The following ATP6V0B variants were observed in gnomAD, a reference collection of about 807,000 sequenced individuals.
The protein encoded by ATP6V0B is ATPase H+ transporting V0 subunit b.
Under a neutral mutation model 26.2 loss-of-function variants are expected in ATP6V0B, and 4 were observed. The observed-to-expected ratio is 0.15, with a 90% CI of 0.08 to 0.35. The LOEUF (loss-of-function observed/expected upper bound fraction) is 0.35. ATP6V0B is among the 10% of genes least tolerant of loss of function. The pLI, the probability that ATP6V0B is intolerant of heterozygous loss-of-function variation, is 1.00. For synonymous variants in ATP6V0B, 110 were observed against 105.8 expected (o/e 1.04, Z -0.24); for missense variants, 175 against 272.5 (o/e 0.64, Z 2.52).
chr1:43,978,158 C>T lies in ATP6V0B; in HGVS notation c.*151C>T, dbSNP rs1293570378. 8.7e-7 allele frequency: 1 copy of T among 1,145,622 alleles called. No individual in the cohort carries two copies. 71.0% of individuals were successfully genotyped at this position (1,145,622 alleles called of 1,614,324 possible). A position where few individuals can be genotyped will look rare whatever the true frequency, so the allele number is the denominator to read the frequency against. ...GCTGCGTGTTGATTTGGAGGCACTG[C>T]AGTCCAGGCCGAGTCCTCAGTGCGG... On this transcript the variant is annotated 3_prime_UTR_variant, in exon 8 of 8. Coordinates refer to ENST00000472174, the MANE Select transcript of ATP6V0B (RefSeq NM_004047.5).
At chr1:43,977,440 C>A in intron 7 of ATP6V0B, 1 of 1,459,782 alleles carries the variant, frequency 6.9e-7, no homozygotes, top group Non-Finnish European at 9.0e-7. Flanking sequence ...TCCCCCCTTT[C>A]TAATGCGTTG....
rs754791183 is a variant in ATP6V0B, at chr1:43,977,180, C to T, written c.555C>T (p.Ala185=). The T allele has an allele frequency of 2.4e-5, 38 of 1,614,142 alleles. No homozygotes were observed. Among genetic ancestry groups the T allele is most frequent in the Non-Finnish European group, 2.9e-5 (34 of 1,180,058 alleles). The change falls in exon 7 of 8, where the codon GCC becomes GCT. Residue 185 remains alanine (A), a synonymous_variant. Coordinates refer to ENST00000472174, the MANE Select transcript of ATP6V0B (RefSeq NM_004047.5). ...TCATCGTGGAGATCTTTGGCAGCGCCATTGGCCTCTTTGGGGTCATCGTCG... is the reference window on the plus strand; with the variant it reads ...TCATCGTGGAGATCTTTGGCAGCGCTATTGGCCTCTTTGGGGTCATCGTCG... ...KILIVEIFGS[A]IGLFGVIVAI...
chr1:43,977,248 C>T (rs1439322662), intron 7 of ATP6V0B, 32 bp downstream of exon 7: 2 of 1,614,194 alleles, frequency 1.2e-6, no homozygotes, highest in East Asian at 2.2e-5. Context: ...CCTCTGTGTC[C>T]TTGTCCCCAA....
intron 7 of ATP6V0B, 145 bp from the exon 8 acceptor site, chr1:43,977,836 C>G: frequency 6.3e-7 from 1 of 1,588,854 alleles, no homozygotes; most frequent in South Asian, 1.1e-5. Context: ...TCTGCCTTGT[C>G]TGTCACAGTG....
In ATP6V0B at chr1:43,978,187, G is replaced by T; in HGVS notation, c.*180G>T. ...CCAGGCCGAGTCCTCAGTGCGGGGAGCAGGCTGCTGCTGCTGACTCTGTGC... is the reference window on the plus strand; with the variant it reads ...CCAGGCCGAGTCCTCAGTGCGGGGATCAGGCTGCTGCTGCTGACTCTGTGC... On this transcript the variant is annotated 3_prime_UTR_variant, in exon 8 of 8. Coordinates refer to ENST00000472174, the MANE Select transcript of ATP6V0B (RefSeq NM_004047.5). 1 of 820,976 alleles carries T rather than the reference G, an allele frequency of 1.2e-6. No individual in the cohort carries two copies. The highest frequency in any genetic ancestry group is 2.1e-5 in the Admixed American group (1 of 46,892). 50.9% of individuals were successfully genotyped at this position (820,976 alleles called of 1,614,324 possible).
chr1:43,975,714 C>T lies in ATP6V0B; in HGVS notation c.68-86C>T, dbSNP rs145733892. The T allele has an allele frequency of 5.9e-3, 8,793 of 1,498,048 alleles. 38 individuals are homozygous for T. Among genetic ancestry groups the T allele is most frequent in the Non-Finnish European group, 7.4e-3 (7,975 of 1,077,890 alleles). The allele number at this position is 1,498,048 out of a possible 1,614,324, so 92.8% of individuals were successfully genotyped here. A position where few individuals can be genotyped will look rare whatever the true frequency, so the allele number is the denominator to read the frequency against. On this transcript the variant is annotated intron_variant, in intron 1 of 7. Coordinates refer to ENST00000472174, the MANE Select transcript of ATP6V0B (RefSeq NM_004047.5). ...TGAGGACGCCCCTTCAGGGAGGTGG[C>T]CCTTCAGCTCGGCAGCTACTTTAGG...
rs2085513970 is a variant in ATP6V0B at position 43,975,860 on chromosome 1, C to T, written c.116+12C>T. 1.3e-6 allele frequency: 2 copies of T among 1,588,084 alleles called. No individual in the cohort carries two copies. Among genetic ancestry groups the T allele is most frequent in the Admixed American group, 1.8e-5 (1 of 56,354 alleles). On this transcript the variant is annotated intron_variant, in intron 2 of 7. Transcript: ENST00000472174. ...TTTGATGTGGCATGGTAAGGGAGGG[C>T]AGGGGGAGGATTCCCCTTGAAGCTT...
rs200253994 is a variant in ATP6V0B at position 43,977,011 on chromosome 1, T to A, written c.401-15T>A. 1 of 1,601,488 alleles carries A rather than the reference T, an allele frequency of 6.2e-7. No individual in the cohort carries two copies. Among genetic ancestry groups the A allele is most frequent in the African/African-American group, 1.3e-5 (1 of 74,762 alleles). On this transcript the variant is annotated splice_polypyrimidine_tract_variant and intron_variant, in intron 6 of 7. Coordinates refer to ENST00000472174, the MANE Select transcript of ATP6V0B (RefSeq NM_004047.5). ...TCCTGGCTTAGCCTCACTGCACCCCTCTCTATCCTCCCAGGCTACTCCATG... is the reference window on the plus strand; with the variant it reads ...TCCTGGCTTAGCCTCACTGCACCCCACTCTATCCTCCCAGGCTACTCCATG...
In ATP6V0B at chr1:43,978,204, ACT is replaced by A. The variant is rs1491144885; in HGVS notation, c.*200_*201del. The A allele has an allele frequency of 1.3e-4, 92 of 715,094 alleles. No individual in the cohort carries two copies. The highest frequency in any genetic ancestry group is 7.1e-5 in the Admixed American group (3 of 42,098). The allele number at this position is 715,094 out of a possible 1,614,324, so 44.3% of individuals were successfully genotyped here. On this transcript the variant is annotated 3_prime_UTR_variant, in exon 8 of 8. Transcript: ENST00000472174. The stretch of plus-strand genomic sequence containing the variant: ...TGCGGGGAGCAGGCTGCTGCTGCTG[ACT>A]CTGTGCAGCTGCGCACCTGTGTCCC...
chr1:43,977,344 C>T (rs1557647341), intron 7 of ATP6V0B, 128 bp downstream of exon 7: 2 of 1,564,412 alleles, frequency 1.3e-6, no homozygotes, highest in Non-Finnish European at 1.7e-6. Flanking sequence ...CTTCCACCTC[C>T]TCATTTCCAT....
rs2085543506 is a variant in ATP6V0B at position 43,978,060 on chromosome 1, T to C, written c.*53T>C. Reference sequence around the variant, plus strand: ...CACTTTTATTTATTGCTGGTTTTCCTGGGACAGCTGGAGCTGTGTCCCTTA... The same window carrying C: ...CACTTTTATTTATTGCTGGTTTTCCCGGGACAGCTGGAGCTGTGTCCCTTA... On this transcript the variant is annotated 3_prime_UTR_variant, in exon 8 of 8. Transcript: ENST00000472174. The C allele has an allele frequency of 1.2e-6, 2 of 1,612,944 alleles. No individual in the cohort carries two copies. Among genetic ancestry groups the C allele is most frequent in the Admixed American group, 3.3e-5 (2 of 60,024 alleles).
chr1:43,976,865 A>G lies in ATP6V0B; in HGVS notation c.400+41A>G. Reference sequence around the variant, plus strand: ...TATGAATGCAAAATGCTGGGACTTCATGCCTGCTTCCACTCTCCCCCATCC... The same window carrying G: ...TATGAATGCAAAATGCTGGGACTTCGTGCCTGCTTCCACTCTCCCCCATCC... On this transcript the variant is annotated intron_variant, in intron 6 of 7. Transcript: ENST00000472174. This position sits in a 1 kb window ranked among gnomAD's most constrained non-coding sequence, Gnocchi z 4.6. The G allele has an allele frequency of 6.2e-7, 1 of 1,611,086 alleles. No homozygotes were observed. The highest frequency in any genetic ancestry group is 8.5e-7 in the Non-Finnish European group (1 of 1,177,532).
At chr1:43,977,912 T>G (rs2085541251) in intron 7 of ATP6V0B, 69 bp from the exon 8 acceptor site, 2 of 1,614,052 alleles carry the variant, frequency 1.2e-6, no homozygotes, top group Non-Finnish European at 1.7e-6. Flanking sequence ...AGATGTCATC[T>G]TCTATCATTT....
rs2085525150 is a variant in ATP6V0B, at chr1:43,976,803, G to A, written c.379G>A (p.Gly127Ser). ...CAGTGCCACAGACCCCAAGGCCATC[G>A]GCCATCGGAACTACCATGCAGGTGG... ...PFSATDPKAIGHRNYHAGYSM... is the reference protein window; with the variant it reads ...PFSATDPKAISHRNYHAGYSM... Residue 127 changes from glycine to serine, a missense_variant, in exon 6 of 8, where the codon GGC becomes AGC. Coordinates refer to ENST00000472174, the MANE Select transcript of ATP6V0B (RefSeq NM_004047.5). The surrounding 1 kb of genome is among the most constrained non-coding windows in gnomAD (Gnocchi z 4.6). 1 of 1,614,160 alleles carries A rather than the reference G, an allele frequency of 6.2e-7. No homozygotes were observed. The highest frequency in any genetic ancestry group is 8.5e-7 in the Non-Finnish European group (1 of 1,180,042).
chr1:43,976,520 C>T lies in ATP6V0B; in HGVS notation c.279-70C>T. On this transcript the variant is annotated intron_variant, in intron 4 of 7. Coordinates refer to ENST00000472174, the MANE Select transcript of ATP6V0B (RefSeq NM_004047.5). The surrounding 1 kb of genome is among the most constrained non-coding windows in gnomAD (Gnocchi z 4.6). The stretch of plus-strand genomic sequence containing the variant: ...GAAAGATTGCTGGGGACTTACTGGG[C>T]AGGAAGGACGGTTTCTTTCTCATTT... 1 of 1,583,480 alleles carries T rather than the reference C, an allele frequency of 6.3e-7. No individual in the cohort carries two copies. The highest frequency in any genetic ancestry group is 1.1e-5 in the South Asian group (1 of 90,120).
Position 43,976,209 on chromosome 1 carries a change from T to G in ATP6V0B, c.200+36T>G. 6.2e-7 allele frequency: 1 copy of G among 1,610,684 alleles called. No homozygotes were observed. Among genetic ancestry groups the G allele is most frequent in the Non-Finnish European group, 8.5e-7 (1 of 1,176,962 alleles). On this transcript the variant is annotated intron_variant, in intron 3 of 7. Transcript: ENST00000472174. This position sits in a 1 kb window ranked among gnomAD's most constrained non-coding sequence, Gnocchi z 4.6. Reference sequence around the variant, plus strand: ...GGGTGGTGGGACTGGGGGCAGGGGCTGAGTCATGGCAGGTGGTGTCACTGG... The same window carrying G: ...GGGTGGTGGGACTGGGGGCAGGGGCGGAGTCATGGCAGGTGGTGTCACTGG...
Position 43,978,016 on chromosome 1 carries a change from T to A in ATP6V0B, c.*9T>A, listed in dbSNP as rs2085542834. On this transcript the variant is annotated 3_prime_UTR_variant, in exon 8 of 8. Coordinates refer to ENST00000472174, the MANE Select transcript of ATP6V0B (RefSeq NM_004047.5). ...TGAAGATGGGTGACTAGATGATATG[T>A]GTGGGTGGGGCCGTGCCTCACTTTT... 6.2e-7 allele frequency: 1 copy of A among 1,614,202 alleles called. No homozygotes were observed. Among genetic ancestry groups the A allele is most frequent in the East Asian group, 2.2e-5 (1 of 44,890 alleles).
Position 43,975,802 on chromosome 1 carries a change from G to C in ATP6V0B, c.70G>C (p.Val24Leu). The part of the protein sequence containing the change: ...AFWACALAVG[V>L]CYTIFDLGFR... ...CTTTTTCTCCCTCACTGCTGCAGGA[G>C]TCTGCTACACCATTTTTGATTTGGG... is the stretch of plus-strand genomic sequence containing the variant. The change falls in exon 2 of 8, where the codon GTC (valine) becomes CTC (leucine). Residue 24 changes from valine to leucine, a missense_variant and splice_region_variant. By Grantham distance (32) the Val-to-Leu change is conservative. Transcript: ENST00000472174. 6.3e-7 allele frequency: 1 copy of C among 1,598,632 alleles called. No homozygotes were observed. Among genetic ancestry groups the C allele is most frequent in the Non-Finnish European group, 8.5e-7 (1 of 1,171,244 alleles).
At chr1:43,977,896 T>C (rs2085541064) in intron 7 of ATP6V0B, 85 bp from the exon 8 acceptor site, 5 of 1,613,894 alleles carry the variant, frequency 3.1e-6, no homozygotes, top group Non-Finnish European at 4.2e-6. Flanking sequence ...CATCCAACCA[T>C]GTGCTAGATG....
Sources: gnomAD v4.1 joint callset for allele counts on GRCh38, gnomAD v4.1.1 for gene constraint, Gnocchi (gnomAD v3.1) non-coding constraint, MANE v1.5 for transcripts, NCBI Gene and HGNC (gene_info 2026-07-23, HGNC 2026-07-21) for gene names.